MCF2L2: variants seen among roughly 807,000 people sequenced by gnomAD.
MCF2L2 encodes probable guanine nucleotide exchange factor MCF2L2.
MCF2L2 carries 102 observed loss-of-function variants against 150.2 expected under a neutral mutation model. The observed-to-expected ratio is 0.68, with a 90% CI of 0.58 to 0.80. MCF2L2 has a LOEUF of 0.80. Among genes scored for constraint, MCF2L2 ranks in the 30% least tolerant of loss-of-function variants. MCF2L2 has a pLI of 0.00. For synonymous variants in MCF2L2, 465 were observed against 491.3 expected (o/e 0.95, Z 0.71); for missense variants, 1,256 against 1,372.8 (o/e 0.91, Z 1.34).
At chr3:183,357,127 T>C (rs1446601916) in intron 3 of MCF2L2, among the ~76,000 whole-genome samples, 1 of 152,170 alleles carries the variant, frequency 6.6e-6, no homozygotes, top group Non-Finnish European at 1.5e-5. Flanking sequence ...CAGAGGGACT[T>C]CTGGGTAGCT....
At chr3:183,198,838 T>C (rs2108639869) in intron 25 of MCF2L2, among the ~76,000 whole-genome samples, 1 of 152,306 alleles carries the variant, frequency 6.6e-6, no homozygotes, top group African/African-American at 2.4e-5. Flanking sequence ...GAATGTTGTT[T>C]CTGCAGGGAA....
chr3:183,363,316 G>A lies in MCF2L2; in HGVS notation c.275+15981C>T, dbSNP rs370351636. On this transcript the variant is annotated intron_variant, in intron 3 of 29. Transcript: ENST00000328913. The stretch of plus-strand genomic sequence containing the variant: ...TAAGATCCATTAATTTTGCTCTTTA[G>A]TATTTACCCAAATGAGCCAGAGATG... 2.0e-5 allele frequency among the ~76,000 whole-genome samples: 3 copies of A among 152,086 alleles called. No individual in the cohort carries two copies. In the South Asian group the frequency reaches 6.2e-4, roughly 32 times the overall value.
chr3:183,400,134 T>A (rs1233912779), intron 1 of MCF2L2, among the ~76,000 whole-genome samples: 2 of 152,190 alleles, frequency 1.3e-5, no homozygotes, highest in Non-Finnish European at 2.9e-5. Context: ...AATCTACCTA[T>A]GAACATATCA....
chr3:183,201,818 A>G (rs1722296477), intron 25 of MCF2L2, among the ~76,000 whole-genome samples: 1 of 152,180 alleles, frequency 6.6e-6, no homozygotes, highest in African/African-American at 2.4e-5. Flanking sequence ...TAGTTTATTG[A>G]GAGTTTTTAG....
At chr3:183,228,141 C>A in intron 18 of MCF2L2, 156 bp downstream of exon 18, 1 of 595,926 alleles carries the variant, frequency 1.7e-6, no homozygotes, top group Non-Finnish European at 3.0e-6. Flanking sequence ...TGAATATATG[C>A]AATTTTTATT....
At chr3:183,361,114 A>AGAAAAT (rs1560040371) in intron 3 of MCF2L2, among the ~76,000 whole-genome samples, 1 of 149,910 alleles carries the variant, frequency 6.7e-6, no homozygotes, top group African/African-American at 2.5e-5. Context: ...AGAAAAGAAA[A>AGAAAAT]AAGAAAAAGA....
intron 15 of MCF2L2, chr3:183,273,142 A>T (rs968295698): frequency 7.7e-6 from 5 of 652,854 alleles, no homozygotes; most frequent in Non-Finnish European, 9.9e-6. Context: ...CTATCTTTTT[A>T]AAAAATGTCA....
chr3:183,279,428 T>C (rs1274631307), intron 14 of MCF2L2, among the ~76,000 whole-genome samples: 1 of 152,220 alleles, frequency 6.6e-6, no homozygotes, highest in Non-Finnish European at 1.5e-5. Flanking sequence ...GCCATATTTC[T>C]TAGTGAGGGA....
chr3:183,312,524 G>A (rs1431899977), intron 7 of MCF2L2, among the ~76,000 whole-genome samples: 1 of 152,162 alleles, frequency 6.6e-6, no homozygotes, highest in African/African-American at 2.4e-5. Context: ...TTTGTGCTTG[G>A]GAATTATGGG....
At chr3:183,326,147 AAGTCCTGAT>A (rs1730015319) in intron 5 of MCF2L2, among the ~76,000 whole-genome samples, 1 of 152,184 alleles carries the variant, frequency 6.6e-6, no homozygotes, top group Admixed American at 6.5e-5. Flanking sequence ...AAAAAAAAGC[AAGTCCTGAT>A]AGACCCACAC....
chr3:183,255,689 G>A (rs1487295358), intron 15 of MCF2L2, among the ~76,000 whole-genome samples: 1 of 152,040 alleles, frequency 6.6e-6, no homozygotes, highest in Non-Finnish European at 1.5e-5. Flanking sequence ...CTCAGAAGGT[G>A]CAGAAGAGTT....
chr3:183,327,643 A>C (rs769291327), intron 5 of MCF2L2, among the ~76,000 whole-genome samples: 1 of 152,210 alleles, frequency 6.6e-6, no homozygotes, highest in Non-Finnish European at 1.5e-5. Context: ...TATGTCACAC[A>C]TATTCCCATT....
chr3:183,377,294 T>C (rs1307881937), intron 3 of MCF2L2: 2 of 152,216 alleles, frequency 1.3e-5, no homozygotes, highest in African/African-American at 4.8e-5. Context: ...CATGTGGTGT[T>C]TGGTTTTCTG....
At chr3:183,194,200 A>AT (rs553983792) in intron 26 of MCF2L2, among the ~76,000 whole-genome samples, 47 of 152,178 alleles carry the variant, frequency 3.1e-4, no homozygotes, top group Non-Finnish European at 6.0e-4. Context: ...CGGGGGTTCC[A>AT]TGAGGATCAG....
chr3:183,373,560 C>T (rs1362432623), intron 3 of MCF2L2: 3 of 152,134 alleles, frequency 2.0e-5, no homozygotes, highest in Non-Finnish European at 4.4e-5. Flanking sequence ...TCACACCCCT[C>T]AAATGTCTGT....
chr3:183,232,012 T>C (rs1043332754), intron 15 of MCF2L2, among the ~76,000 whole-genome samples: 1 of 152,134 alleles, frequency 6.6e-6, no homozygotes, highest in Non-Finnish European at 1.5e-5. Context: ...TGTGGAAGGA[T>C]TTTGCTGTTC....
intron 3 of MCF2L2, among the ~76,000 whole-genome samples, chr3:183,369,785 T>C (rs1024978103): frequency 6.6e-6 from 1 of 152,172 alleles, no homozygotes; most frequent in Non-Finnish European, 1.5e-5. Context: ...AGTAAATAAA[T>C]AGTAAAAAGT....
At chr3:183,220,429 T>C (rs1482263454) in intron 20 of MCF2L2, among the ~76,000 whole-genome samples, 1 of 152,222 alleles carries the variant, frequency 6.6e-6, no homozygotes, top group African/African-American at 2.4e-5. Flanking sequence ...TTGGTTGTGG[T>C]AGAGTGTTAT....
At chr3:183,408,421 C>T (rs1051182092) in intron 1 of MCF2L2, among the ~76,000 whole-genome samples, 1 of 152,190 alleles carries the variant, frequency 6.6e-6, no homozygotes, top group Non-Finnish European at 1.5e-5. Context: ...CCCATTACAC[C>T]TGAGGAGCTG....
Sources: allele counts gnomAD v4.1 joint callset (sites outside exome capture counted in the v4.1 genomes callset), GRCh38; gene constraint gnomAD v4.1.1; transcripts MANE v1.5; gene names NCBI Gene and HGNC (gene_info 2026-07-23, HGNC 2026-07-21).